Variants in ARHGAP32 observed in about 807,000 individuals in gnomAD.
ARHGAP32 encodes Rho GTPase activating protein 32.
In ARHGAP32, 51 loss-of-function variants were observed where a neutral mutation model predicts 186.5. The observed-to-expected ratio is 0.27, with a 90% confidence interval of 0.22 to 0.35. The LOEUF (loss-of-function observed/expected upper bound fraction) is 0.35. Among genes scored for constraint, ARHGAP32 ranks in the 10% least tolerant of loss-of-function variants. ARHGAP32 has a pLI of 1.00. For synonymous variants in ARHGAP32, 950 were observed against 964.3 expected (o/e 0.99, Z 0.27); for missense variants, 2,186 against 2,623.5 (o/e 0.83, Z 3.64).
At chr11:129,025,559 TTTTCTTTAA>T (rs1938800778) in intron 11 of ARHGAP32, among the ~76,000 whole-genome samples, 1 of 152,134 alleles carries the variant, frequency 6.6e-6, no homozygotes, top group Admixed American at 6.5e-5. Context: ...GCCACTCTTC[TTTTCTTTAA>T]TTTTAAATGA....
chr11:129,267,751 T>G (rs567414154), intron 1 of ARHGAP32, among the ~76,000 whole-genome samples: 1 of 152,280 alleles, frequency 6.6e-6, no homozygotes, highest in African/African-American at 2.4e-5. Context: ...TAAAGAAGGT[T>G]TATTTGGTGC....
At chr11:129,031,548 G>T (rs935679663) in intron 11 of ARHGAP32, among the ~76,000 whole-genome samples, 5 of 152,174 alleles carry the variant, frequency 3.3e-5, no homozygotes, top group African/African-American at 4.8e-5. Flanking sequence ...CATTAAGAAG[G>T]ATCTTAGAAA....
intron 12 of ARHGAP32, among the ~76,000 whole-genome samples, chr11:128,994,327 G>A (rs1946143192): frequency 6.6e-6 from 1 of 151,118 alleles, no homozygotes; most frequent in Admixed American, 6.6e-5. Context: ...GCCACTTTTT[G>A]TATTTTTAGT....
At chr11:129,120,250 C>T (rs1037239905) in intron 5 of ARHGAP32, among the ~76,000 whole-genome samples, 1 of 152,014 alleles carries the variant, frequency 6.6e-6, no homozygotes, top group Admixed American at 6.6e-5. Flanking sequence ...AGATGCTCCA[C>T]GGTTCTTGGC....
intron 5 of ARHGAP32, among the ~76,000 whole-genome samples, chr11:129,115,976 T>C (rs937978983): frequency 2.6e-5 from 4 of 152,056 alleles, no homozygotes; most frequent in Admixed American, 1.3e-4. Flanking sequence ...CAAATCCCAC[T>C]TGTAAACACA....
intron 2 of ARHGAP32, among the ~76,000 whole-genome samples, chr11:129,149,063 C>T (rs1943233772): frequency 6.6e-6 from 1 of 152,168 alleles, no homozygotes; most frequent in Non-Finnish European, 1.5e-5. Context: ...TTTATGGCCC[C>T]ATCCATCACC....
intron 1 of ARHGAP32, among the ~76,000 whole-genome samples, chr11:129,166,293 CAG>C (rs1256379195): frequency 6.6e-6 from 1 of 151,558 alleles, no homozygotes; most frequent in African/African-American, 2.4e-5. Context: ...AAATTGATGA[CAG>C]AGATAAGGGA....
At chr11:129,257,974 C>T (rs549278282) in intron 1 of ARHGAP32, among the ~76,000 whole-genome samples, 1 of 152,164 alleles carries the variant, frequency 6.6e-6, no homozygotes, top group East Asian at 1.9e-4. Flanking sequence ...TTTCCATATT[C>T]TTCAGTCTTC....
chr11:128,975,780 G>A (rs992673635), intron 20 of ARHGAP32, among the ~76,000 whole-genome samples: 8 of 152,120 alleles, frequency 5.3e-5, no homozygotes, highest in African/African-American at 1.2e-4. Context: ...CGGTCACAGC[G>A]GTTCATGCCT....
chr11:129,080,077 T>G (rs1381449655), intron 6 of ARHGAP32, among the ~76,000 whole-genome samples: 1 of 152,114 alleles, frequency 6.6e-6, no homozygotes, highest in Non-Finnish European at 1.5e-5. Context: ...TATATGCACC[T>G]AACACTGGAG....
At chr11:129,157,080 AAC>A (rs1437784343) in intron 2 of ARHGAP32, among the ~76,000 whole-genome samples, 2 of 152,196 alleles carry the variant, frequency 1.3e-5, no homozygotes, top group African/African-American at 4.8e-5. Flanking sequence ...CAAAGTTACC[AAC>A]ATCAAACACC....
rs545607189 is a variant in ARHGAP32, at chr11:129,143,340, T to C, written c.226-18446A>G. 1.2e-4 allele frequency among the ~76,000 whole-genome samples: 18 copies of C among 152,194 alleles called. No homozygotes were observed. In the East Asian group the frequency reaches 3.1e-3, roughly 26 times the overall value. On this transcript the variant is annotated intron_variant, in intron 2 of 22. Coordinates refer to ENST00000682385, the MANE Select transcript of ARHGAP32 (RefSeq NM_001378024.1). ...CACTTTTCACAGTTTCAGTTACCCA[T>C]GGTCAACCTCGGTCAAAAAATACTA...
intron 1 of ARHGAP32, among the ~76,000 whole-genome samples, chr11:129,252,545 T>C (rs1040616600): frequency 6.6e-6 from 1 of 152,182 alleles, no homozygotes; most frequent in African/African-American, 2.4e-5. Context: ...AAAGCATCAA[T>C]AGAAGCAAGC....
intron 2 of ARHGAP32, among the ~76,000 whole-genome samples, chr11:129,154,907 T>C (rs1206863354): frequency 1.3e-5 from 2 of 152,118 alleles, no homozygotes; most frequent in Non-Finnish European, 2.9e-5. Flanking sequence ...AATTGTATGA[T>C]AAAGAAGGAG....
chr11:129,078,656 C>T (rs1216900046), intron 6 of ARHGAP32, among the ~76,000 whole-genome samples: 3 of 152,022 alleles, frequency 2.0e-5, no homozygotes, highest in African/African-American at 7.3e-5. Flanking sequence ...CCACGCGTGG[C>T]TAACTTTTGT....
At position 129,041,882 on chromosome 11, in the gene ARHGAP32, G is replaced by C. The variant is rs938714142; in HGVS notation, c.964-873C>G. ...AATATAAATGGGCTGCCATGCAGCA[G>C]ATGTTAAAGCTGAAATATGAAAGCT... is the stretch of plus-strand genomic sequence containing the variant. On this transcript the variant is annotated intron_variant, in intron 10 of 22. Transcript: ENST00000682385. Among the ~76,000 whole-genome samples the C allele has an allele frequency of 2.0e-5, 3 of 152,362 alleles. 1 individual carries two copies. In the Middle Eastern group the frequency reaches 0.01, roughly 518 times the overall value.
intron 6 of ARHGAP32, among the ~76,000 whole-genome samples, chr11:129,076,400 AC>A (rs1941045203): frequency 6.6e-6 from 1 of 152,152 alleles, no homozygotes; most frequent in Non-Finnish European, 1.5e-5. Flanking sequence ...ATATCCAAGA[AC>A]CCTCTCTTGG....
chr11:129,272,026 T>C (rs923997131), intron 1 of ARHGAP32, among the ~76,000 whole-genome samples: 4 of 152,142 alleles, frequency 2.6e-5, no homozygotes, highest in Non-Finnish European at 5.9e-5. Context: ...GGAAGAGTAA[T>C]TCATATGATG....
intron 21 of ARHGAP32, chr11:128,973,857 T>C (rs769281630): frequency 1.8e-5 from 10 of 544,088 alleles, no homozygotes; most frequent in Admixed American, 3.6e-5. Context: ...AGCTACGCAG[T>C]TGTGCAAAAA....
Sources: gnomAD v4.1 joint callset for allele counts (sites outside exome capture counted in the v4.1 genomes callset) on GRCh38, gnomAD v4.1.1 for gene constraint, MANE v1.5 for transcripts, NCBI Gene and HGNC (gene_info 2026-07-23, HGNC 2026-07-21) for gene names.